Variants in IDH1 observed in about 807,000 individuals in gnomAD.
IDH1 encodes isocitrate dehydrogenase [NADP] cytoplasmic.
A neutral mutation model predicts 46.1 loss-of-function variants in IDH1; 33 were observed. The observed-to-expected ratio is 0.72, with a 90% CI of 0.54 to 0.96. IDH1 has a LOEUF of 0.96. IDH1 is among the 40% of genes least tolerant of loss of function. IDH1 has a pLI of 0.00. For missense variants in IDH1, 421 were observed against 515.7 expected (o/e 0.82, Z 1.78); for synonymous variants, 144 against 172.8 (o/e 0.83, Z 1.31).
rs2124863764 is a variant in IDH1, at chr2:208,248,596, C to G, written c.187G>C (p.Ala63Pro). Reference sequence around the variant, plus strand: ...ACGCCAACATTATGCTTCTTTATAGCTTCTGCAGCATCCTTGGTGACTTGG... The same window carrying G: ...ACGCCAACATTATGCTTCTTTATAGGTTCTGCAGCATCCTTGGTGACTTGG... The part of the protein sequence containing the change: ...NDQVTKDAAE[A>P]IKKHNVGVKC... The change falls in exon 4 of 10, where the codon GCT becomes CCT. Residue 63 changes from alanine (A) to proline (P), a missense_variant. Physicochemically the swap from Ala to Pro is conservative, Grantham distance 27. Coordinates refer to ENST00000345146, the MANE Select transcript of IDH1 (RefSeq NM_005896.4). 6.2e-7 allele frequency: 1 copy of G among 1,614,128 alleles called. No individual in the cohort carries two copies. The highest frequency in any genetic ancestry group is 1.1e-5 in the South Asian group (1 of 91,084).
In IDH1 at chr2:208,237,764, C is replaced by CAAA. The variant is rs11433971; in HGVS notation, c.1155-598_1155-596dup. 3.2e-3 allele frequency among the ~76,000 whole-genome samples: 310 copies of CAAA among 97,588 alleles called. 3 individuals carry two copies. Among genetic ancestry groups the CAAA allele is most frequent in the Non-Finnish European group, 3.8e-3 (183 of 48,040 alleles). 64.0% of individuals were successfully genotyped at this position (97,588 alleles called of 152,430 possible). ...TGAAACCCCGTCTCTACTAAAAATA[C>CAAA]AAAAAAAAAAAAAAAAAAATTAGCC... On this transcript the variant is annotated intron_variant, in intron 9 of 9. Transcript: ENST00000345146.
At chr2:208,240,751 A>G (rs765764124) in intron 7 of IDH1, among the ~76,000 whole-genome samples, 1 of 152,166 alleles carries the variant, frequency 6.6e-6, no homozygotes, top group Non-Finnish European at 1.5e-5. Flanking sequence ...ACCTCCCAAC[A>G]TCACCTGTGA....
At chr2:208,240,988 G>A (rs938475689) in intron 7 of IDH1, among the ~76,000 whole-genome samples, 2 of 152,246 alleles carry the variant, frequency 1.3e-5, no homozygotes, top group South Asian at 4.1e-4. Flanking sequence ...TACTTCTTGG[G>A]AAAAACAAAC....
chr2:208,242,279 A>T, intron 6 of IDH1, 134 bp from the exon 7 acceptor site: 1 of 821,156 alleles, frequency 1.2e-6, no homozygotes, highest in South Asian at 1.4e-5. Flanking sequence ...GAAACTCAGG[A>T]ATCTGACAGA....
Position 208,241,975 on chromosome 2 carries a change from C to A in IDH1, c.850+19G>T, listed in dbSNP as rs758956872. The A allele has an allele frequency of 1.2e-6, 2 of 1,611,432 alleles. No individual in the cohort carries two copies. The highest frequency in any genetic ancestry group is 1.7e-6 in the Non-Finnish European group (2 of 1,179,316). On this transcript the variant is annotated intron_variant, in intron 7 of 9. Transcript: ENST00000345146. Reference sequence around the variant, plus strand: ...CCTGGAATGACCCTGTTCCTACAGGCCAGGCTCCACCTCTGTACCTTGGGC... The same window carrying A: ...CCTGGAATGACCCTGTTCCTACAGGACAGGCTCCACCTCTGTACCTTGGGC...
intron 4 of IDH1, chr2:208,247,995 C>A: frequency 1.2e-5 from 3 of 248,830 alleles, no homozygotes; most frequent in East Asian, 1.2e-4. Context: ...AAAACAAAAC[C>A]ACCAAAAAAA....
Position 208,239,128 on chromosome 2 carries a change from G to T in IDH1, c.1097C>A (p.Thr366Lys). The change falls in exon 9 of 10, where the codon ACA (threonine) becomes AAA (lysine). Residue 366 changes from threonine (T) to lysine (K), a missense_variant. By Grantham distance (78) the Thr-to-Lys change is moderately conservative (BLOSUM62 -1). Transcript: ENST00000345146. Reference protein sequence around the residue: ...ANALEEVSIETIEAGFMTKDL... With the variant: ...ANALEEVSIEKIEAGFMTKDL... ...CTTGGTCATGAAGCCAGCCTCAATT[G>T]TCTCAATAGAGACTTCTTCCAAAGC... is the stretch of plus-strand genomic sequence containing the variant. 1.2e-6 allele frequency: 2 copies of T among 1,613,960 alleles called. No homozygotes were observed. The highest frequency in any genetic ancestry group is 1.7e-6 in the Non-Finnish European group (2 of 1,179,894).
rs2124862723 is a variant in IDH1, at chr2:208,248,401, T to C, written c.382A>G (p.Ile128Val). 1 of 1,614,084 alleles carries C rather than the reference T, an allele frequency of 6.2e-7. No individual in the cohort carries two copies. The highest frequency in any genetic ancestry group is 1.1e-5 in the South Asian group (1 of 91,084). The change falls in exon 4 of 10, where the codon ATC becomes GTC. Residue 128 changes from isoleucine to valine, a missense_variant. Transcript: ENST00000345146. The stretch of plus-strand genomic sequence containing the variant: ...CCATAAGCATGACGACCTATGATGA[T>C]AGGTTTTACCCATCCACTCACAAGC... The part of the protein sequence containing the change: ...PRLVSGWVKP[I>V]IIGRHAYGDQ...
intron 5 of IDH1, among the ~76,000 whole-genome samples, chr2:208,244,169 T>C (rs1259197377): frequency 1.3e-5 from 2 of 152,206 alleles, no homozygotes; most frequent in African/African-American, 4.8e-5. Context: ...CTTTCTCTTG[T>C]TCCCGCTCTT....
chr2:208,249,253 G>C (rs971923797), intron 3 of IDH1, among the ~76,000 whole-genome samples: 1 of 150,132 alleles, frequency 6.7e-6, no homozygotes, highest in Non-Finnish European at 1.5e-5. Context: ...GCAGTGGCAC[G>C]ATCTTGGCTC....
rs764338499 is a variant in IDH1 at position 208,239,074 on chromosome 2, G to A, written c.1151C>T (p.Pro384Leu). The A allele has an allele frequency of 4.3e-6, 7 of 1,613,596 alleles. No homozygotes were observed. The African/African-American group carries it at 9.3e-5, about 22-fold the overall frequency. Residue 384 changes from proline to leucine, a missense_variant, in exon 9 of 10, where the codon CCC (proline) becomes CTC (leucine). By Grantham distance (98) the Pro-to-Leu change is moderately conservative (BLOSUM62 -3). Coordinates refer to ENST00000345146, the MANE Select transcript of IDH1 (RefSeq NM_005896.4). ...AACTAGGGCATCTTATACTTACTTG[G>A]GTAAACCTTTAATGCAAGCAGCCAA... ...KDLAACIKGL[P>L]NVQRSDYLNT...
At chr2:208,239,655 A>T (rs1270153475) in intron 8 of IDH1, among the ~76,000 whole-genome samples, 2 of 152,258 alleles carry the variant, frequency 1.3e-5, no homozygotes, top group East Asian at 3.8e-4. Context: ...TGTTGATAAC[A>T]TTCCTCTCTG....
rs773617210 is a variant in IDH1, at chr2:208,243,522, C to A, written c.603G>T (p.Leu201=). The part of the protein sequence containing the change: ...DFAHSSFQMA[L]SKGWPLYLST... ...TCAGATACAAAGGCCAACCCTTAGA[C>A]AGAGCCATTTGGAAGGAACTGTGTG... Residue 201 remains leucine, a synonymous_variant, in exon 6 of 10, where the codon CTG becomes CTT. Transcript: ENST00000345146. 1.6e-5 allele frequency: 26 copies of A among 1,613,812 alleles called. No homozygotes were observed. In the South Asian group the frequency reaches 2.6e-4, roughly 16 times the overall value.
intron 2 of IDH1, among the ~76,000 whole-genome samples, chr2:208,253,113 T>C (rs543242465): frequency 6.6e-6 from 1 of 152,234 alleles, no homozygotes; most frequent in Non-Finnish European, 1.5e-5. Flanking sequence ...GCAACAGTCA[T>C]GACATGGCAA....
At chr2:208,246,781 A>G (rs529132113) in intron 4 of IDH1, among the ~76,000 whole-genome samples, 8 of 152,156 alleles carry the variant, frequency 5.3e-5, no homozygotes, top group African/African-American at 1.7e-4. Context: ...CGTCTCTACT[A>G]AAAACACAAA....
Position 208,237,153 on chromosome 2 carries a change from A to C in IDH1, c.1171T>G (p.Tyr391Asp). The C allele has an allele frequency of 6.2e-7, 1 of 1,601,234 alleles. No homozygotes were observed. Among genetic ancestry groups the C allele is most frequent in the Non-Finnish European group, 8.5e-7 (1 of 1,172,148 alleles). The change falls in exon 10 of 10, where the codon TAC becomes GAC. Residue 391 changes from tyrosine (Y) to aspartate (D), a missense_variant. Physicochemically the swap from Tyr to Asp is radical, Grantham distance 160. Coordinates refer to ENST00000345146, the MANE Select transcript of IDH1 (RefSeq NM_005896.4). ...TCCATGAACTCAAATGTATTCAAGT[A>C]GTCAGAACGTTGCACACTAACGGGA... is the stretch of plus-strand genomic sequence containing the variant. ...KGLPNVQRSD[Y>D]LNTFEFMDKL...
At position 208,245,443 on chromosome 2, in the gene IDH1, G is replaced by T; in HGVS notation, c.415-19C>A. On this transcript the variant is annotated intron_variant, in intron 4 of 9. Coordinates refer to ENST00000345146, the MANE Select transcript of IDH1 (RefSeq NM_005896.4). ...CTCTGTACTGTGTAGAGGGGAAAAA[G>T]GTATAAAGAAAAAAAAAATACCCTA... 3 of 1,389,320 alleles carry T rather than the reference G, an allele frequency of 2.2e-6. No individual in the cohort carries two copies. The highest frequency in any genetic ancestry group is 3.1e-6 in the Non-Finnish European group (3 of 979,688). 86.1% of individuals were successfully genotyped at this position (1,389,320 alleles called of 1,614,324 possible).
At position 208,248,452 on chromosome 2, in the gene IDH1, C is replaced by T. The variant is rs769575550; in HGVS notation, c.331G>A (p.Ala111Thr). The change falls in exon 4 of 10, where the codon GCC (alanine) becomes ACC (threonine). Residue 111 changes from alanine (A) to threonine (T), a missense_variant. By Grantham distance (58) the Ala-to-Thr change is moderately conservative. Coordinates refer to ENST00000345146, the MANE Select transcript of IDH1 (RefSeq NM_005896.4). ...CGGGGGATATTTTTGCAGATAATGG[C>T]TTCTCTGAAGACCGTGCCACCCAGA... is the stretch of plus-strand genomic sequence containing the variant. ...NILGGTVFRE[A>T]IICKNIPRLV... 1.2e-6 allele frequency: 2 copies of T among 1,614,098 alleles called. No individual in the cohort carries two copies. The highest frequency in any genetic ancestry group is 1.1e-5 in the South Asian group (1 of 91,072).
At chr2:208,254,125 T>C (rs547002679) in intron 1 of IDH1, 166 bp from the exon 2 acceptor site, 1 of 152,392 alleles carries the variant, frequency 6.6e-6, no homozygotes, top group South Asian at 2.1e-4. Flanking sequence ...ACTTTCCAAA[T>C]AAAGGTCATG....
Sources: allele counts gnomAD v4.1 joint callset (sites outside exome capture counted in the v4.1 genomes callset), GRCh38; gene constraint gnomAD v4.1.1; transcripts MANE v1.5; gene names NCBI Gene and HGNC (gene_info 2026-07-23, HGNC 2026-07-21).